The following FGF12 variants were observed in gnomAD, a reference collection of about 807,000 sequenced individuals.
The protein encoded by FGF12 is fibroblast growth factor 12.
In FGF12, 14 loss-of-function variants were observed where a neutral mutation model predicts 23.6. That is an observed-to-expected ratio of 0.59 (90% CI 0.39 to 0.93). The LOEUF (loss-of-function observed/expected upper bound fraction) is 0.93. FGF12 is among the 40% of genes least tolerant of loss of function. The probability of loss-of-function intolerance (pLI) is 0.00; values close to 1 mark genes in which losing one functional copy is unlikely to be tolerated. For missense variants in FGF12, 175 were observed against 217.8 expected, an observed-to-expected ratio of 0.80 and a Z score of 1.24; for synonymous variants, 62 against 77.3, an observed-to-expected ratio of 0.80 and a Z score of 1.04.
In FGF12 at chr3:192,490,742, G is replaced by A. The variant is rs113187456; in HGVS notation, c.14-130204C>T. 3.7e-3 allele frequency among the ~76,000 whole-genome samples: 562 copies of A among 152,142 alleles called. 2 individuals are homozygous for A. The highest frequency in any genetic ancestry group is 6.7e-3 in the African/African-American group (280 of 41,512). On this transcript the variant is annotated intron_variant, in intron 2 of 5. Coordinates refer to ENST00000445105, the MANE Select transcript of FGF12 (RefSeq NM_004113.6). Reference sequence around the variant, plus strand: ...AACTATAGCCACATGCAACAATAAGGATAGATCTCACAAACATAACACAAA... The same window carrying A: ...AACTATAGCCACATGCAACAATAAGAATAGATCTCACAAACATAACACAAA...
intron 4 of FGF12, among the ~76,000 whole-genome samples, chr3:192,215,339 A>G (rs1290707849): frequency 6.6e-6 from 1 of 152,166 alleles, no homozygotes. Flanking sequence ...CTTGGTACTC[A>G]TCACCCAGCA....
In FGF12 at chr3:192,181,104, C is replaced by T. The variant is rs145620597; in HGVS notation, c.229-10448G>A. ...AAAAGCACATGCTCAGGATGAGACT[C>T]TTCAAGGCCCAGCATAGAATGGCTG... On this transcript the variant is annotated intron_variant, in intron 4 of 5. Coordinates refer to ENST00000445105, the MANE Select transcript of FGF12 (RefSeq NM_004113.6). Among the ~76,000 whole-genome samples the T allele has an allele frequency of 1.3e-4, 20 of 152,242 alleles. No homozygotes were observed. In the East Asian group the frequency reaches 3.9e-3, roughly 29 times the overall value.
intron 2 of FGF12, among the ~76,000 whole-genome samples, chr3:192,375,020 G>A (rs1719414040): frequency 6.6e-6 from 1 of 151,800 alleles, no homozygotes. Flanking sequence ...TCATATTTTT[G>A]TGCCTGTACT....
At chr3:192,624,662 T>C (rs1050160570) in intron 2 of FGF12, among the ~76,000 whole-genome samples, 5 of 152,176 alleles carry the variant, frequency 3.3e-5, no homozygotes, top group African/African-American at 4.8e-5. Context: ...AAGGACTATA[T>C]TAGGAAAAAA....
chr3:192,329,752 T>C (rs567970421), intron 4 of FGF12, among the ~76,000 whole-genome samples: 1 of 152,186 alleles, frequency 6.6e-6, no homozygotes, highest in Non-Finnish European at 1.5e-5. Context: ...TAAAGGATAT[T>C]ACATTTTAAA....
intron 2 of FGF12, among the ~76,000 whole-genome samples, chr3:192,521,676 G>A (rs1353839132): frequency 2.0e-5 from 3 of 152,008 alleles, no homozygotes; most frequent in South Asian, 4.2e-4. Context: ...AAGCCACAGC[G>A]ATCTCTCTGG....
intron 2 of FGF12, among the ~76,000 whole-genome samples, chr3:192,642,593 A>G (rs74471483): frequency 0.023 from 3,485 of 152,334 alleles, 145 homozygotes; most frequent in African/African-American, 0.08. Flanking sequence ...ATGCACATAT[A>G]TTACTTATTC....
chr3:192,260,215 CATACCAGGGTAGTTTAGGCAAGTGT>C (rs1712662026), intron 4 of FGF12, among the ~76,000 whole-genome samples: 1 of 151,746 alleles, frequency 6.6e-6, no homozygotes, highest in Non-Finnish European at 1.5e-5. Flanking sequence ...TACAAGATAC[CATACCAGGGTAGTTTAGGCAAGTGT>C]ATATCACAGC....
intron 2 of FGF12, among the ~76,000 whole-genome samples, chr3:192,558,135 ATC>A: frequency 6.6e-6 from 1 of 151,980 alleles, no homozygotes. Flanking sequence ...AAGTAAAATT[ATC>A]TCTGTTCTCA....
intron 2 of FGF12, among the ~76,000 whole-genome samples, chr3:192,517,553 T>C (rs923827215): frequency 7.9e-5 from 12 of 152,234 alleles, no homozygotes; most frequent in African/African-American, 2.9e-4. Flanking sequence ...ACAGTACTTA[T>C]AAAAACAAAC....
intron 2 of FGF12, among the ~76,000 whole-genome samples, chr3:192,520,927 A>T (rs764362788): frequency 6.6e-5 from 10 of 152,190 alleles, no homozygotes; most frequent in Non-Finnish European, 1.2e-4. Flanking sequence ...TGCAATAAGT[A>T]ACCTTGTGTG....
chr3:192,264,919 C>T (rs1269300413), intron 4 of FGF12, among the ~76,000 whole-genome samples: 4 of 152,094 alleles, frequency 2.6e-5, no homozygotes, highest in African/African-American at 9.7e-5. Context: ...TACATCAAGG[C>T]CATTCAGGTG....
chr3:192,671,033 G>T (rs1242449400), intron 2 of FGF12, among the ~76,000 whole-genome samples: 3 of 152,162 alleles, frequency 2.0e-5, no homozygotes, highest in African/African-American at 7.2e-5. Flanking sequence ...TTATTTGTCA[G>T]ATTTCATGTC....
At chr3:192,713,460 A>G (rs1718760167) in intron 2 of FGF12, among the ~76,000 whole-genome samples, 1 of 152,218 alleles carries the variant, frequency 6.6e-6, no homozygotes, top group South Asian at 2.1e-4. Flanking sequence ...GTAAAAACAG[A>G]AAAAGAAAGA....
intron 4 of FGF12, among the ~76,000 whole-genome samples, chr3:192,173,073 T>G (rs1173222129): frequency 6.6e-6 from 1 of 150,782 alleles, no homozygotes; most frequent in African/African-American, 2.4e-5. Flanking sequence ...TTATATGAAA[T>G]GTCCAGAATA....
Position 192,344,466 on chromosome 3 carries a change from C to G in FGF12, c.125-9002G>C, listed in dbSNP as rs61134747. 3.1e-3 allele frequency among the ~76,000 whole-genome samples: 476 copies of G among 152,182 alleles called. 5 individuals are homozygous for G. The highest frequency in any genetic ancestry group is 0.011 in the African/African-American group (465 of 41,522). On this transcript the variant is annotated intron_variant, in intron 3 of 5. Coordinates refer to ENST00000445105, the MANE Select transcript of FGF12 (RefSeq NM_004113.6). ...TGTTAAGAATGTAAACATCAACATA[C>G]TTTAAGTTATATTGGTTCACTGCTT...
In FGF12 at chr3:192,514,369, G is replaced by A. The variant is rs1724591029; in HGVS notation, c.14-153831C>T. ...CGCAGAGAGGGCCGCGAGAAGGTGC[G>A]AACGCAGGTCACGGCCAGCGCCGCT... On this transcript the variant is annotated intron_variant, in intron 2 of 5. Transcript: ENST00000445105. This position sits in a 1 kb window ranked among gnomAD's most constrained non-coding sequence, Gnocchi z 4.9. Among the ~76,000 whole-genome samples, 1 of 152,248 alleles carries A rather than the reference G, an allele frequency of 6.6e-6. No individual in the cohort carries two copies. The highest frequency in any genetic ancestry group is 2.4e-5 in the African/African-American group (1 of 41,474).
At chr3:192,577,907 T>C (rs1712978724) in intron 2 of FGF12, among the ~76,000 whole-genome samples, 1 of 152,134 alleles carries the variant, frequency 6.6e-6, no homozygotes, top group African/African-American at 2.4e-5. Context: ...ATGCTTCAAT[T>C]CAAACAAAAC....
intron 4 of FGF12, among the ~76,000 whole-genome samples, chr3:192,323,603 C>A (rs73066567): frequency 0.05 from 7,554 of 152,184 alleles, 547 homozygotes; most frequent in African/African-American, 0.16. Context: ...TGGGTACAAA[C>A]ATATAGTTAG....
Sources: allele counts gnomAD v4.1 joint callset (sites outside exome capture counted in the v4.1 genomes callset), GRCh38; gene constraint gnomAD v4.1.1; non-coding constraint Gnocchi (gnomAD v3.1); transcripts MANE v1.5; gene names NCBI Gene and HGNC (gene_info 2026-07-23, HGNC 2026-07-21).